DIP2C: variants seen among roughly 807,000 people sequenced by gnomAD.
DIP2C encodes DIP2 acetate--CoA ligase C (putative), also known as disco-interacting protein 2 homolog C.
A neutral mutation model predicts 192.4 loss-of-function variants in DIP2C; 33 were observed. The observed-to-expected ratio is 0.17, with a 90% CI of 0.13 to 0.23. The LOEUF (loss-of-function observed/expected upper bound fraction) is 0.23, where lower values mean the gene tolerates loss of function less well. Among genes scored for constraint, DIP2C ranks in the 10% least tolerant of loss-of-function variants. The probability of loss-of-function intolerance (pLI) is 1.00; values close to 1 mark genes in which losing one functional copy is unlikely to be tolerated. For synonymous variants in DIP2C, 979 were observed against 864.1 expected (o/e 1.13, Z -2.33); for missense variants, 1,537 against 2,110.1 (o/e 0.73, Z 5.32).
chr10:332,938 C>T lies in DIP2C; in HGVS notation c.3585-3337G>A, dbSNP rs145812725. ...TTATTGTTGAGACAGAGTCTCACTC[C>T]GTCGCCCAGGTTGGAGTGCAGTGGT... On this transcript the variant is annotated intron_variant, in intron 29 of 36. Coordinates refer to ENST00000280886, the MANE Select transcript of DIP2C (RefSeq NM_014974.3). 6.8e-4 allele frequency among the ~76,000 whole-genome samples: 104 copies of T among 152,276 alleles called. 1 individual carries two copies. The highest frequency in any genetic ancestry group is 2.3e-3 in the African/African-American group (97 of 41,568).
intron 1 of DIP2C, among the ~76,000 whole-genome samples, chr10:586,786 T>C (rs1054926740): frequency 1.3e-5 from 2 of 152,226 alleles, no homozygotes; most frequent in Admixed American, 1.3e-4. Flanking sequence ...AGATAATGGC[T>C]TATCCACTCA....
rs1012297981 is a variant in DIP2C, at chr10:275,678, T to C, written c.*1647A>G. ...ACCGAGAGCCACTGCGGGGTCACAC[T>C]GGGGCAGTTACAGAACACATCTTTC... On this transcript the variant is annotated 3_prime_UTR_variant, in exon 37 of 37. Coordinates refer to ENST00000280886, the MANE Select transcript of DIP2C (RefSeq NM_014974.3). The C allele has an allele frequency of 2.0e-5, 3 of 151,802 alleles. No individual in the cohort carries two copies. The highest frequency in any genetic ancestry group is 4.8e-5 in the African/African-American group (2 of 41,320). The allele number at this position is 151,802 out of a possible 1,614,324, so 9.4% of individuals were successfully genotyped here.
chr10:390,684 C>T, intron 11 of DIP2C, 56 bp downstream of exon 11: 1 of 1,582,148 alleles, frequency 6.3e-7, no homozygotes, highest in Non-Finnish European at 8.6e-7. Flanking sequence ...TATTCCCGCA[C>T]CCGTCTTCTG....
intron 1 of DIP2C, among the ~76,000 whole-genome samples, chr10:559,322 T>TGGGGAACGCCG (rs145734246): frequency 0.16 from 23,948 of 150,670 alleles, 3,213 homozygotes; most frequent in African/African-American, 0.36. Flanking sequence ...ATGGGGGCGG[T>TGGGGAACGCCG]GGGGAACGCC....
intron 1 of DIP2C, among the ~76,000 whole-genome samples, chr10:654,908 C>A (rs1316562895): frequency 6.6e-6 from 1 of 152,180 alleles, no homozygotes; most frequent in Non-Finnish European, 1.5e-5. Context: ...TCATTCTACA[C>A]TATATAATAC....
intron 3 of DIP2C, among the ~76,000 whole-genome samples, chr10:456,778 T>C (rs149577288): frequency 1.3e-5 from 2 of 152,234 alleles, no homozygotes; most frequent in African/African-American, 4.8e-5. Context: ...CGACGATTTT[T>C]GTTCCACCGT....
intron 1 of DIP2C, among the ~76,000 whole-genome samples, chr10:515,102 G>C (rs566457378): frequency 6.6e-6 from 1 of 152,120 alleles, no homozygotes; most frequent in Non-Finnish European, 1.5e-5. Flanking sequence ...AATTATAAAC[G>C]TTAATTACAT....
chr10:656,559 T>C (rs1336530556), intron 1 of DIP2C, among the ~76,000 whole-genome samples: 1 of 152,236 alleles, frequency 6.6e-6, no homozygotes, highest in Non-Finnish European at 1.5e-5. Flanking sequence ...CCGTTTCCTA[T>C]GGTTATAGAA....
intron 1 of DIP2C, among the ~76,000 whole-genome samples, chr10:527,450 T>C (rs1331343644): frequency 6.6e-6 from 1 of 152,196 alleles, no homozygotes; most frequent in Non-Finnish European, 1.5e-5. Flanking sequence ...GAACAACAAA[T>C]TTTAAAATTA....
chr10:496,684 T>A (rs964455434), intron 1 of DIP2C, among the ~76,000 whole-genome samples: 1 of 151,630 alleles, frequency 6.6e-6, no homozygotes, highest in Non-Finnish European at 1.5e-5. Context: ...AATCTCTACA[T>A]TACTCGCAAT....
intron 1 of DIP2C, among the ~76,000 whole-genome samples, chr10:507,208 G>A (rs1564800459): frequency 6.7e-6 from 1 of 148,392 alleles, no homozygotes; most frequent in African/African-American, 2.5e-5. Flanking sequence ...TTTGAGGTTA[G>A]GGACCTGGTC....
At chr10:475,319 T>C (rs1314598029) in intron 2 of DIP2C, among the ~76,000 whole-genome samples, 3 of 152,264 alleles carry the variant, frequency 2.0e-5, no homozygotes, top group African/African-American at 7.2e-5. Context: ...TCTCTTGTGC[T>C]GTGGACTTAT....
intron 1 of DIP2C, among the ~76,000 whole-genome samples, chr10:535,701 A>C (rs1847657624): frequency 1.3e-5 from 2 of 152,050 alleles, no homozygotes; most frequent in Admixed American, 6.5e-5. Context: ...TGATCATAAA[A>C]ACTGTATGTG....
chr10:628,546 G>T (rs1854325408), intron 1 of DIP2C: 1 of 152,440 alleles, frequency 6.6e-6, no homozygotes, highest in South Asian at 2.1e-4. Context: ...GCCTCGCTCT[G>T]ATGGGCCTGC....
chr10:366,787 C>A (rs975195166), intron 18 of DIP2C, among the ~76,000 whole-genome samples: 2 of 152,180 alleles, frequency 1.3e-5, no homozygotes, highest in East Asian at 3.8e-4. Flanking sequence ...GCAAATCAAG[C>A]CTCTAATGTC....
At chr10:461,552 T>TAC (rs1346626230) in intron 3 of DIP2C, among the ~76,000 whole-genome samples, 10 of 152,186 alleles carry the variant, frequency 6.6e-5, no homozygotes, top group African/African-American at 1.2e-4. Context: ...CTTAGATACC[T>TAC]ACCAAGAGAC....
At chr10:325,197 G>A (rs1056495759) in intron 31 of DIP2C, among the ~76,000 whole-genome samples, 35 of 152,110 alleles carry the variant, frequency 2.3e-4, no homozygotes, top group African/African-American at 8.2e-4. Context: ...CCCAGCAGGT[G>A]GAGCTTGCAG....
chr10:647,593 C>T (rs1386187615), intron 1 of DIP2C, among the ~76,000 whole-genome samples: 40 of 146,274 alleles, frequency 2.7e-4, no homozygotes, highest in Non-Finnish European at 7.5e-5. Context: ...TGGGAGAGAA[C>T]AGAGGGAAAC....
At chr10:347,731 G>T (rs565638468) in intron 26 of DIP2C, among the ~76,000 whole-genome samples, 2 of 135,982 alleles carry the variant, frequency 1.5e-5, no homozygotes, top group Non-Finnish European at 3.1e-5. Context: ...GACACATCGC[G>T]CATAGTTCTC....
Sources: gnomAD v4.1 joint callset for allele counts (sites outside exome capture counted in the v4.1 genomes callset) on GRCh38, gnomAD v4.1.1 for gene constraint, MANE v1.5 for transcripts, NCBI Gene and HGNC (gene_info 2026-07-23, HGNC 2026-07-21) for gene names.